The following GPC6 variants were observed in gnomAD, a reference collection of about 807,000 sequenced individuals.
GPC6 encodes glypican-6.
In GPC6, 14 loss-of-function variants were observed where a neutral mutation model predicts 55.2. The ratio of observed to expected loss-of-function variants is 0.25; its 90% CI spans 0.17 to 0.40. The LOEUF (loss-of-function observed/expected upper bound fraction) is 0.40, where lower values mean the gene tolerates loss of function less well. Among genes scored for constraint, GPC6 ranks in the 10% least tolerant of loss-of-function variants. The pLI is 1.00. For synonymous variants in GPC6, 278 were observed against 259.6 expected, an observed-to-expected ratio of 1.07 and a Z score of -0.68; for missense variants, 641 against 708.5, an observed-to-expected ratio of 0.90 and a Z score of 1.08.
At position 94,273,969 on chromosome 13, in the gene GPC6, G is replaced by T. The variant is rs1402391616; in HGVS notation, c.878-12380G>T. On this transcript the variant is annotated intron_variant, in intron 4 of 8. Coordinates refer to ENST00000377047, the MANE Select transcript of GPC6 (RefSeq NM_005708.5). ...TTTAAATAAAGAGTTATGGTTGGTA[G>T]TATATACTTTGATGTCCATCACATT... Among the ~76,000 whole-genome samples the T allele has an allele frequency of 3.9e-5, 6 of 152,266 alleles. No individual in the cohort carries two copies. In the East Asian group the frequency reaches 1.2e-3, roughly 29 times the overall value.
At chr13:93,812,606 C>T (rs961642741) in intron 2 of GPC6, among the ~76,000 whole-genome samples, 1 of 152,088 alleles carries the variant, frequency 6.6e-6, no homozygotes, top group African/African-American at 2.4e-5. Context: ...ATAAAGATAC[C>T]TTCAGAAGAC....
At chr13:94,198,930 A>G (rs1003796058) in intron 4 of GPC6, among the ~76,000 whole-genome samples, 5 of 152,192 alleles carry the variant, frequency 3.3e-5, no homozygotes, top group African/African-American at 1.2e-4. Flanking sequence ...GCTGCCTTAA[A>G]ATTCACCACC....
chr13:93,994,398 T>C (rs937187763), intron 3 of GPC6, among the ~76,000 whole-genome samples: 11 of 152,206 alleles, frequency 7.2e-5, no homozygotes, highest in African/African-American at 2.7e-4. Context: ...GATTTAGTTC[T>C]TCAGAAATTA....
At chr13:93,997,516 C>T (rs992434952) in intron 3 of GPC6, among the ~76,000 whole-genome samples, 1 of 151,806 alleles carries the variant, frequency 6.6e-6, no homozygotes, top group South Asian at 2.1e-4. Context: ...CCTCTCCAAA[C>T]CAAAAGAAGA....
intron 1 of GPC6, among the ~76,000 whole-genome samples, chr13:93,484,154 G>GCAA (rs1386940983): frequency 6.9e-6 from 1 of 145,336 alleles, no homozygotes; most frequent in Non-Finnish European, 1.6e-5. Flanking sequence ...ATCTGCCATA[G>GCAA]CAACAGTTTT....
intron 1 of GPC6, among the ~76,000 whole-genome samples, chr13:93,420,648 C>T (rs970739129): frequency 8.5e-5 from 13 of 152,104 alleles, no homozygotes; most frequent in African/African-American, 3.1e-4. Flanking sequence ...AAGGATTATC[C>T]TTGTTTTTCT....
intron 4 of GPC6, among the ~76,000 whole-genome samples, chr13:94,131,047 T>G (rs1488456938): frequency 6.6e-6 from 1 of 152,050 alleles, no homozygotes; most frequent in Admixed American, 6.6e-5. Flanking sequence ...CCTATAAATA[T>G]TATGAGGAAA....
At chr13:93,605,736 G>C (rs1878210256) in intron 2 of GPC6, among the ~76,000 whole-genome samples, 1 of 151,124 alleles carries the variant, frequency 6.6e-6, no homozygotes, top group Non-Finnish European at 1.5e-5. Context: ...CAGCTGCTCA[G>C]GAGGCTGAGG....
chr13:93,874,630 A>G (rs906104728), intron 3 of GPC6, among the ~76,000 whole-genome samples: 26 of 149,892 alleles, frequency 1.7e-4, no homozygotes, highest in Admixed American at 1.5e-3. Context: ...CCGTAACTCT[A>G]TATTCTTACC....
At position 93,285,638 on chromosome 13, in the gene GPC6, G is replaced by GTGTGTGTGTGTGTA. The variant is rs1555287703; in HGVS notation, c.160+58035_160+58036insATGTGTGTGTGTGT. On this transcript the variant is annotated intron_variant, in intron 1 of 8. Transcript: ENST00000377047. ...CTGCTGTGTGTGTGTGTGTGTGTGT[G>GTGTGTGTGTGTGTA]TGTGTGTGTGTGTGTGTGTGTGTGT... Among the ~76,000 whole-genome samples, 377 of 150,762 alleles carry GTGTGTGTGTGTGTA rather than the reference G, an allele frequency of 2.5e-3. 3 individuals are homozygous for GTGTGTGTGTGTGTA. Among genetic ancestry groups the GTGTGTGTGTGTGTA allele is most frequent in the African/African-American group, 9.0e-3 (367 of 40,848 alleles).
At chr13:93,763,722 C>T (rs1220281961) in intron 2 of GPC6, among the ~76,000 whole-genome samples, 1 of 152,196 alleles carries the variant, frequency 6.6e-6, no homozygotes, top group Non-Finnish European at 1.5e-5. Context: ...TGTAAATTAT[C>T]TGCTTTCCCC....
At chr13:93,221,358 T>A in the GPC6 span, among the ~76,000 whole-genome samples, 1 of 152,204 alleles carries the variant, frequency 6.6e-6, no homozygotes, top group East Asian at 1.9e-4. Context: ...ATAAACCCTG[T>A]CATAACTTTT....
intron 3 of GPC6, among the ~76,000 whole-genome samples, chr13:93,940,413 AATGGATGGATGGATGG>A (rs141500976): frequency 6.7e-6 from 1 of 149,928 alleles, no homozygotes; most frequent in Non-Finnish European, 1.5e-5. Flanking sequence ...TGGATGGATG[AATGGATGGATGGATGG>A]ATGGATGGAT....
intron 6 of GPC6, among the ~76,000 whole-genome samples, chr13:94,317,833 T>C (rs903470077): frequency 6.6e-6 from 1 of 152,054 alleles, no homozygotes; most frequent in African/African-American, 2.4e-5. Flanking sequence ...AGGAAGGGTA[T>C]AGTGTATGTG....
intron 1 of GPC6, among the ~76,000 whole-genome samples, chr13:93,273,944 A>T (rs1877638793): frequency 6.6e-6 from 1 of 151,736 alleles, no homozygotes; most frequent in African/African-American, 2.4e-5. Context: ...AGTAGCTGGG[A>T]TTACAGGCAC....
chr13:93,547,782 G>C (rs1874908403), intron 2 of GPC6, among the ~76,000 whole-genome samples: 1 of 150,172 alleles, frequency 6.7e-6, no homozygotes, highest in Non-Finnish European at 1.5e-5. Flanking sequence ...GAAGCACTTA[G>C]ACTTAATAAT....
chr13:93,550,352 G>C (rs1251830699), intron 2 of GPC6, among the ~76,000 whole-genome samples: 1 of 152,076 alleles, frequency 6.6e-6, no homozygotes, highest in Non-Finnish European at 1.5e-5. Flanking sequence ...TCCATATGAA[G>C]TTTTTTGTTT....
intron 4 of GPC6, among the ~76,000 whole-genome samples, chr13:94,110,014 A>C (rs892815193): frequency 2.0e-5 from 3 of 150,200 alleles, no homozygotes; most frequent in African/African-American, 7.3e-5. Context: ...TCAAAAGTTA[A>C]TTATCTTGAG....
chr13:94,095,994 C>A (rs1885643252), intron 4 of GPC6, among the ~76,000 whole-genome samples: 1 of 152,136 alleles, frequency 6.6e-6, no homozygotes, highest in African/African-American at 2.4e-5. Context: ...AGCCACACAG[C>A]AGTCAAAAGA....
Sources: gnomAD v4.1 joint callset for allele counts (sites outside exome capture counted in the v4.1 genomes callset) on GRCh38, gnomAD v4.1.1 for gene constraint, MANE v1.5 for transcripts, NCBI Gene and HGNC (gene_info 2026-07-23, HGNC 2026-07-21) for gene names.